The following LIMK2 variants were observed in gnomAD, a reference collection of about 807,000 sequenced individuals.
LIMK2 encodes the protein LIM domain kinase 2.
LIMK2 carries 35 observed loss-of-function variants against 75.7 expected under a neutral mutation model. The ratio of observed to expected loss-of-function variants is 0.46; its 90% CI spans 0.35 to 0.61. The LOEUF (loss-of-function observed/expected upper bound fraction) is 0.61. LIMK2 is among the 20% of genes least tolerant of loss of function. The pLI is 0.00. For synonymous variants in LIMK2, 301 were observed against 319.2 expected (o/e 0.94, Z 0.61); for missense variants, 623 against 831.0 (o/e 0.75, Z 3.08).
chr22:31,241,486 T>C (rs559752318), intron 2 of LIMK2, among the ~76,000 whole-genome samples: 1 of 152,292 alleles, frequency 6.6e-6, no homozygotes, highest in Admixed American at 6.5e-5. Flanking sequence ...TTTTACAGCC[T>C]CCTACATCTC....
At chr22:31,246,179 G>GCACACACACACACACACACACACCCA (rs1341395963) in intron 2 of LIMK2, among the ~76,000 whole-genome samples, 1 of 69,774 alleles carries the variant, frequency 1.4e-5, no homozygotes, top group Non-Finnish European at 3.1e-5. Context: ...ACACACGCAC[G>GCACACACACACACACACACACACCCA]CACGCACACA....
chr22:31,234,338 AAAC>A (rs2048553723), intron 2 of LIMK2, among the ~76,000 whole-genome samples: 1 of 149,716 alleles, frequency 6.7e-6, no homozygotes, highest in African/African-American at 2.5e-5. Context: ...AAAAAAAAAA[AAAC>A]AAAAAAAAAC....
At chr22:31,225,900 C>G in intron 2 of LIMK2, 81 bp downstream of exon 2, 1 of 1,050,686 alleles carries the variant, frequency 9.5e-7, no homozygotes, top group South Asian at 1.3e-5. Flanking sequence ...AACACAGAAA[C>G]AAGCTTCTGA....
chr22:31,228,962 G>GA (rs3216414), intron 2 of LIMK2, among the ~76,000 whole-genome samples: 59,489 of 148,118 alleles, frequency 0.4, 15,771 homozygotes, highest in East Asian at 0.81. Context: ...CAAAACAAAT[G>GA]AAAAAAAAAA....
intron 5 of LIMK2, among the ~76,000 whole-genome samples, chr22:31,260,503 A>C (rs2048827679): frequency 6.6e-6 from 1 of 152,226 alleles, no homozygotes. Flanking sequence ...TTGTCAGTCG[A>C]GAGAATGAAT....
chr22:31,218,881 T>G (rs1454117685), intron 1 of LIMK2, among the ~76,000 whole-genome samples: 1 of 152,224 alleles, frequency 6.6e-6, no homozygotes, highest in African/African-American at 2.4e-5. Context: ...TCAAAGATTT[T>G]TTTAAATGAA....
intron 11 of LIMK2, among the ~76,000 whole-genome samples, chr22:31,270,552 G>A (rs2048946178): frequency 6.6e-6 from 1 of 152,198 alleles, no homozygotes; most frequent in Non-Finnish European, 1.5e-5. Context: ...AGAGTGGTAA[G>A]AGTCAGTGGT....
intron 2 of LIMK2, among the ~76,000 whole-genome samples, chr22:31,255,577 C>T (rs1314250503): frequency 6.6e-6 from 1 of 152,178 alleles, no homozygotes; most frequent in Non-Finnish European, 1.5e-5. Flanking sequence ...ATTCCTGCCC[C>T]TCTTCTCTAC....
At chr22:31,267,274 A>G (rs1406489461) in intron 9 of LIMK2, among the ~76,000 whole-genome samples, 1 of 152,220 alleles carries the variant, frequency 6.6e-6, no homozygotes, top group Non-Finnish European at 1.5e-5. Context: ...CAACACAAAC[A>G]GGGTACAAGG....
chr22:31,255,584 CT>C (rs1319352884), intron 2 of LIMK2, among the ~76,000 whole-genome samples: 1 of 152,182 alleles, frequency 6.6e-6, no homozygotes, highest in Non-Finnish European at 1.5e-5. Context: ...CCCCTCTTCT[CT>C]ACCTCCCGCA....
intron 7 of LIMK2, 92 bp from the exon 8 acceptor site, chr22:31,265,854 T>G: frequency 1.1e-6 from 1 of 951,572 alleles, no homozygotes; most frequent in Non-Finnish European, 1.6e-6. Context: ...GACATTGGAA[T>G]GAACAGGTGC....
chr22:31,228,029 T>C (rs2048494211), intron 2 of LIMK2, among the ~76,000 whole-genome samples: 1 of 151,534 alleles, frequency 6.6e-6, no homozygotes, highest in African/African-American at 2.4e-5. Context: ...TGCGTGTGTG[T>C]GTGTGTGTGT....
chr22:31,228,620 T>C (rs2123780310), intron 2 of LIMK2, among the ~76,000 whole-genome samples: 1 of 152,182 alleles, frequency 6.6e-6, no homozygotes, highest in South Asian at 2.1e-4. Flanking sequence ...GTGGCTAGCA[T>C]AGCATCTGAC....
intron 2 of LIMK2, chr22:31,230,056 C>CTTTTTTTTTT (rs33933239): frequency 8.3e-6 from 1 of 120,830 alleles, no homozygotes; most frequent in Non-Finnish European, 1.7e-5. Flanking sequence ...TTCTTTCTTT[C>CTTTTTTTTTT]TTTTTTTTTT....
intron 1 of LIMK2, among the ~76,000 whole-genome samples, chr22:31,224,213 A>G (rs575133638): frequency 2.0e-5 from 3 of 152,222 alleles, no homozygotes; most frequent in South Asian, 2.1e-4. Context: ...TACCAGGAGT[A>G]TTGTATTTTG....
intron 1 of LIMK2, among the ~76,000 whole-genome samples, chr22:31,219,625 G>T (rs749536947): frequency 1.3e-5 from 2 of 152,022 alleles, no homozygotes; most frequent in African/African-American, 4.8e-5. Flanking sequence ...AAGCTGGAGC[G>T]CAGTGGCACG....
chr22:31,276,728 G>A (rs1351709959), intron 15 of LIMK2: 9 of 1,457,254 alleles, frequency 6.2e-6, no homozygotes, highest in Admixed American at 2.8e-5. Flanking sequence ...CGGCGTTGGC[G>A]GCCCCGGCCC....
chr22:31,267,128 TAC>T (rs2048904194), intron 9 of LIMK2, 58 bp downstream of exon 9: 1 of 945,294 alleles, frequency 1.1e-6, no homozygotes, highest in South Asian at 1.4e-5. Flanking sequence ...GAGAAGACCT[TAC>T]AAATAATGGC....
At chr22:31,215,981 G>A (rs139602810) in intron 1 of LIMK2, among the ~76,000 whole-genome samples, 2,031 of 152,320 alleles carry the variant, frequency 0.013, 22 homozygotes, top group Middle Eastern at 0.027. Flanking sequence ...CAAGGAACAA[G>A]ATAGACCAAA....
Sources: gnomAD v4.1 joint callset for allele counts (sites outside exome capture counted in the v4.1 genomes callset) on GRCh38, gnomAD v4.1.1 for gene constraint, MANE v1.5 for transcripts, NCBI Gene and HGNC (gene_info 2026-07-23, HGNC 2026-07-21) for gene names.